Variants in BOK observed in about 807,000 individuals in gnomAD.
The protein encoded by BOK is bcl-2-related ovarian killer protein.
BOK carries 20 observed loss-of-function variants against 18.3 expected under a neutral mutation model. The observed-to-expected ratio is 1.09, with a 90% CI of 0.77 to 1.59. The LOEUF (loss-of-function observed/expected upper bound fraction) is 1.59. Among genes scored for constraint, BOK ranks in the 40% most tolerant of loss-of-function variants. The probability of loss-of-function intolerance (pLI) is 0.00; values close to 1 mark genes in which losing one functional copy is unlikely to be tolerated. For missense variants in BOK, 348 were observed against 307.9 expected, an observed-to-expected ratio of 1.13 and a Z score of -0.97; for synonymous variants, 173 against 142.4, an observed-to-expected ratio of 1.21 and a Z score of -1.53.
rs188879226 is a variant in BOK, at chr2:241,568,915, T to C, written c.350-1210T>C. Among the ~76,000 whole-genome samples the C allele has an allele frequency of 4.4e-3, 676 of 152,314 alleles. 5 individuals are homozygous for C. Among genetic ancestry groups the C allele is most frequent in the Non-Finnish European group, 8.2e-3 (555 of 68,032 alleles). On this transcript the variant is annotated intron_variant, in intron 3 of 4. Transcript: ENST00000318407. ...ATGAGGGTGGATTGGAGAGCAGTGC[T>C]TCATCTTTGCATGTACAGTGTCCTC...
rs1052026776 is a variant in BOK, at chr2:241,562,050, G to A, written c.221-298G>A. 1.4e-4 allele frequency among the ~76,000 whole-genome samples: 22 copies of A among 152,364 alleles called. No homozygotes were observed. Among genetic ancestry groups the A allele is most frequent in the Non-Finnish European group, 1.2e-4 (8 of 68,032 alleles). ...ACCAGCAGGCACGGCCCACGCTCTC[G>A]CAGGATTCCCGCCCCACCGGCTTGG... On this transcript the variant is annotated intron_variant, in intron 2 of 4. Transcript: ENST00000318407. The surrounding 1 kb of genome is among the most constrained non-coding windows in gnomAD (Gnocchi z 4.5).
rs1260004394 is a variant in BOK at position 241,562,905 on chromosome 2, G to C, written c.349+429G>C. 1.3e-5 allele frequency among the ~76,000 whole-genome samples: 2 copies of C among 152,178 alleles called. No individual in the cohort carries two copies. Among genetic ancestry groups the C allele is most frequent in the East Asian group, 3.9e-4 (2 of 5,184 alleles). The stretch of plus-strand genomic sequence containing the variant: ...AGCAGGTTTCCCAGACAGCTCCCGA[G>C]TAGATGCTGCCAGGCTGTTAGGATA... On this transcript the variant is annotated intron_variant, in intron 3 of 4. Transcript: ENST00000318407. This position sits in a 1 kb window ranked among gnomAD's most constrained non-coding sequence, Gnocchi z 4.5.
intron 1 of BOK, 47 bp from the exon 2 acceptor site, chr2:241,559,408 T>G: frequency 8.2e-7 from 1 of 1,217,232 alleles, no homozygotes; most frequent in African/African-American, 1.6e-5. Flanking sequence ...GCGCGCCCCG[T>G]TCCCCGCGCC....
At chr2:241,555,668 C>T (rs561472365), upstream of BOK, among the ~76,000 whole-genome samples, 3 of 152,218 alleles carry the variant, frequency 2.0e-5, no homozygotes, top group Non-Finnish European at 2.9e-5. Context: ...TGAGCCACCA[C>T]GCCTGGCACA....
chr2:241,572,014 T>C (rs1447501121), intron 4 of BOK, among the ~76,000 whole-genome samples: 1 of 152,184 alleles, frequency 6.6e-6, no homozygotes. Flanking sequence ...TGAAGGCCTC[T>C]CTCCTGCTCG....
At position 241,572,278 on chromosome 2, in the gene BOK, T is replaced by C. The variant is rs2125057543; in HGVS notation, c.514-19T>C. 1.2e-6 allele frequency: 2 copies of C among 1,607,214 alleles called. No homozygotes were observed. The highest frequency in any genetic ancestry group is 2.2e-5 in the South Asian group (2 of 90,956). ...CGGTGCTGGCTCTGCTTTCTAACGG[T>C]CTCCCTCTTCCCTCCCAGACTGATG... is the stretch of plus-strand genomic sequence containing the variant. On this transcript the variant is annotated intron_variant, in intron 4 of 4. Coordinates refer to ENST00000318407, the MANE Select transcript of BOK (RefSeq NM_032515.5).
rs1369744779 is a variant in BOK, at chr2:241,572,532, C to G, written c.*110C>G. On this transcript the variant is annotated 3_prime_UTR_variant, in exon 5 of 5. Coordinates refer to ENST00000318407, the MANE Select transcript of BOK (RefSeq NM_032515.5). ...CCACCCGAGCCTGGAGCACTCTAAC[C>G]CTCGGAGACCCCCTAAGCCCCGTTC... 1 of 1,453,140 alleles carries G rather than the reference C, an allele frequency of 6.9e-7. No individual in the cohort carries two copies. The highest frequency in any genetic ancestry group is 9.2e-7 in the Non-Finnish European group (1 of 1,089,788). 90.0% of individuals were successfully genotyped at this position (1,453,140 alleles called of 1,614,324 possible).
intron 3 of BOK, among the ~76,000 whole-genome samples, chr2:241,568,766 G>A (rs2066657218): frequency 6.6e-6 from 1 of 152,208 alleles, no homozygotes; most frequent in Non-Finnish European, 1.5e-5. Context: ...CCATTTATCT[G>A]TTGAAGGATA....
At chr2:241,567,691 G>C (rs964942013) in intron 3 of BOK, among the ~76,000 whole-genome samples, 1 of 134,682 alleles carries the variant, frequency 7.4e-6, no homozygotes, top group Admixed American at 7.4e-5. Flanking sequence ...ATTCAAACTT[G>C]GGTTTACTTT....
intron 2 of BOK, chr2:241,560,167 A>G: frequency 5.1e-6 from 5 of 985,410 alleles, no homozygotes; most frequent in Non-Finnish European, 6.0e-6. Flanking sequence ...CGGGCTGGGT[A>G]GCCAAAACCT....
upstream of BOK, among the ~76,000 whole-genome samples, chr2:241,557,308 CTT>C (rs59048690): frequency 0.22 from 27,503 of 125,878 alleles, 2,188 homozygotes; most frequent in Middle Eastern, 0.24. Context: ...TTTCTTTTTC[CTT>C]TTTTTTTTTT....
chr2:241,554,859 T>C (rs2066438724), upstream of BOK, among the ~76,000 whole-genome samples: 1 of 152,214 alleles, frequency 6.6e-6, no homozygotes, highest in Non-Finnish European at 1.5e-5. Flanking sequence ...TCTGGTGGGC[T>C]GGTATCAGCG....
rs370005600 is a variant in BOK at position 241,551,717 on chromosome 2, G to GA, written n.54+241dup. 6.6e-3 allele frequency among the ~76,000 whole-genome samples: 999 copies of GA among 152,298 alleles called. 15 individuals are homozygous for GA. Among genetic ancestry groups the GA allele is most frequent in the African/African-American group, 0.023 (943 of 41,550 alleles). Reference sequence around the variant, plus strand: ...AGGGAAACCCCCCACGGGAGGTGGGGAGACCTCAGGGGGGTCCCTCCGCCC... The same window carrying GA: ...AGGGAAACCCCCCACGGGAGGTGGGGAAGACCTCAGGGGGGTCCCTCCGCCC... On this transcript the variant is annotated intron_variant and non_coding_transcript_variant, in intron 1 of 1. Coordinates refer to the BOK transcript ENST00000641230.
chr2:241,571,279 C>T (rs949640661), intron 4 of BOK, among the ~76,000 whole-genome samples: 2 of 147,706 alleles, frequency 1.4e-5, no homozygotes, highest in African/African-American at 2.4e-5. Flanking sequence ...TCTGTCTCCA[C>T]GCCCCCAACT....
At chr2:241,560,422 G>A (rs1230164478) in intron 2 of BOK, among the ~76,000 whole-genome samples, 2 of 152,282 alleles carry the variant, frequency 1.3e-5, no homozygotes, top group Non-Finnish European at 2.9e-5. Flanking sequence ...GACAGCATAG[G>A]TGAAACTGAA....
intron 2 of BOK, among the ~76,000 whole-genome samples, chr2:241,561,867 C>T (rs983417259): frequency 6.6e-6 from 1 of 152,246 alleles, no homozygotes; most frequent in Non-Finnish European, 1.5e-5. Context: ...GTCCCCTGCT[C>T]TCACCCCAAT....
upstream of BOK, among the ~76,000 whole-genome samples, chr2:241,556,947 C>A (rs371828112): frequency 7.2e-5 from 11 of 152,214 alleles, no homozygotes; most frequent in East Asian, 1.3e-3. Context: ...TTTTCTATTT[C>A]TTTTAGTGTC....
intron 1 of BOK, among the ~76,000 whole-genome samples, chr2:241,553,685 G>GC (rs1475674369): frequency 6.6e-6 from 1 of 152,184 alleles, no homozygotes; most frequent in Admixed American, 6.5e-5. Flanking sequence ...CTGCAAATCA[G>GC]CCCCCATCAT....
rs1238873897 is a variant in BOK, at chr2:241,570,292, A to G, written c.513+4A>G. 6.4e-7 allele frequency: 1 copy of G among 1,550,744 alleles called. No individual in the cohort carries two copies. The highest frequency in any genetic ancestry group is 8.7e-7 in the Non-Finnish European group (1 of 1,148,590). Reference sequence around the variant, plus strand: ...GCTGCGGAGACGCGGCGGATGGGTGAGCGCCTGAGTGCCCGTGTGGGTGGG... The same window carrying G: ...GCTGCGGAGACGCGGCGGATGGGTGGGCGCCTGAGTGCCCGTGTGGGTGGG... On this transcript the variant is annotated splice_donor_region_variant and intron_variant, in intron 4 of 4. Coordinates refer to ENST00000318407, the MANE Select transcript of BOK (RefSeq NM_032515.5).
Sources: gnomAD v4.1 joint callset for allele counts (sites outside exome capture counted in the v4.1 genomes callset) on GRCh38, gnomAD v4.1.1 for gene constraint, Gnocchi (gnomAD v3.1) non-coding constraint, MANE v1.5 for transcripts, NCBI Gene and HGNC (gene_info 2026-07-23, HGNC 2026-07-21) for gene names.